The following ZDHHC14 variants were observed in gnomAD, a reference collection of about 807,000 sequenced individuals.
The protein encoded by ZDHHC14 is zDHHC palmitoyltransferase 14.
ZDHHC14 carries 16 observed loss-of-function variants against 47.7 expected under a neutral mutation model. That is an observed-to-expected ratio of 0.34 (90% CI 0.23 to 0.51). The LOEUF is 0.51. Among genes scored for constraint, ZDHHC14 ranks in the 20% least tolerant of loss-of-function variants. The pLI, the probability that ZDHHC14 is intolerant of heterozygous loss-of-function variation, is 0.97. For missense variants in ZDHHC14, 515 were observed against 662.5 expected, an observed-to-expected ratio of 0.78 and a Z score of 2.44; for synonymous variants, 293 against 278.9, an observed-to-expected ratio of 1.05 and a Z score of -0.50.
chr6:157,573,268 A>G (rs947146586), intron 2 of ZDHHC14, among the ~76,000 whole-genome samples: 2 of 151,862 alleles, frequency 1.3e-5, no homozygotes, highest in Non-Finnish European at 2.9e-5. Flanking sequence ...GGGCTCTCCA[A>G]CCCTTGCACC....
In ZDHHC14 at chr6:157,411,099, A is replaced by G. The variant is rs569149997; in HGVS notation, c.245+28833A>G. Among the ~76,000 whole-genome samples, 5 of 152,318 alleles carry G rather than the reference A, an allele frequency of 3.3e-5. No homozygotes were observed. The East Asian group carries it at 9.6e-4, about 29-fold the overall frequency. The stretch of plus-strand genomic sequence containing the variant: ...TAAGGATTCCTTGGGCAGCTTTTGA[A>G]TATGCCATTTTCTGGATCCCACCTT... On this transcript the variant is annotated intron_variant, in intron 1 of 8. Coordinates refer to ENST00000359775, the MANE Select transcript of ZDHHC14 (RefSeq NM_024630.3).
At chr6:157,411,522 A>G (rs575552001) in intron 1 of ZDHHC14, among the ~76,000 whole-genome samples, 1 of 152,160 alleles carries the variant, frequency 6.6e-6, no homozygotes, top group Non-Finnish European at 1.5e-5. Flanking sequence ...TATGCAGCCA[A>G]CCTCCTTTGG....
chr6:157,599,824 G>A (rs1337209376), intron 3 of ZDHHC14, among the ~76,000 whole-genome samples: 2 of 152,182 alleles, frequency 1.3e-5, no homozygotes, highest in African/African-American at 4.8e-5. Context: ...GTAAGACAAA[G>A]AAATTAACAA....
chr6:157,648,410 A>G (rs1326636944), intron 7 of ZDHHC14, among the ~76,000 whole-genome samples: 2 of 152,192 alleles, frequency 1.3e-5, no homozygotes, highest in Non-Finnish European at 2.9e-5. Context: ...GCCTCAGTGA[A>G]TCCTCATTAG....
At chr6:157,484,537 T>G (rs1384359819) in intron 1 of ZDHHC14, among the ~76,000 whole-genome samples, 1 of 149,202 alleles carries the variant, frequency 6.7e-6, no homozygotes, top group Non-Finnish European at 1.5e-5. Flanking sequence ...GAACCTTAAA[T>G]AAAAGTTAAA....
intron 3 of ZDHHC14, among the ~76,000 whole-genome samples, chr6:157,595,790 TATA>T (rs1172228014): frequency 6.6e-6 from 1 of 152,132 alleles, no homozygotes; most frequent in Non-Finnish European, 1.5e-5. Context: ...GCCACCAGGC[TATA>T]ATAGGCCAGG....
chr6:157,439,861 GC>G (rs987163190), intron 1 of ZDHHC14, among the ~76,000 whole-genome samples: 5 of 152,138 alleles, frequency 3.3e-5, no homozygotes, highest in African/African-American at 9.7e-5. Context: ...CCTTTGCAGG[GC>G]CATGGATGAA....
intron 3 of ZDHHC14, among the ~76,000 whole-genome samples, chr6:157,604,213 G>A (rs182362884): frequency 6.6e-6 from 1 of 151,884 alleles, no homozygotes; most frequent in Non-Finnish European, 1.5e-5. Context: ...CCTGAACCAG[G>A]GAGATTGAGG....
At chr6:157,622,182 C>A (rs1785217373) in intron 3 of ZDHHC14, among the ~76,000 whole-genome samples, 1 of 145,874 alleles carries the variant, frequency 6.9e-6, no homozygotes, top group Non-Finnish European at 1.5e-5. Context: ...ACCAGCCTGA[C>A]CAACATGGCA....
chr6:157,593,475 C>T (rs1033896643), intron 3 of ZDHHC14, among the ~76,000 whole-genome samples: 4 of 152,160 alleles, frequency 2.6e-5, no homozygotes, highest in African/African-American at 9.7e-5. Context: ...GGCCACACAC[C>T]TACGGGAGGC....
intron 6 of ZDHHC14, among the ~76,000 whole-genome samples, chr6:157,646,575 T>C (rs1215792754): frequency 1.4e-5 from 2 of 143,256 alleles, no homozygotes; most frequent in Non-Finnish European, 3.0e-5. Flanking sequence ...ATAGCGCCAC[T>C]GCACTCCAGC....
intron 2 of ZDHHC14, among the ~76,000 whole-genome samples, chr6:157,579,398 C>T (rs1229580544): frequency 8.6e-5 from 13 of 151,880 alleles, no homozygotes; most frequent in Admixed American, 7.9e-4. Flanking sequence ...GGGGTTTCAC[C>T]ATGTTAGCCA....
At chr6:157,525,783 G>A (rs140593507) in intron 1 of ZDHHC14, among the ~76,000 whole-genome samples, 83 of 152,242 alleles carry the variant, frequency 5.5e-4, no homozygotes, top group African/African-American at 1.8e-3. Flanking sequence ...GCTCCCTCCC[G>A]TCCCACTGCT....
At chr6:157,589,127 G>C (rs1004062545) in intron 2 of ZDHHC14, among the ~76,000 whole-genome samples, 1 of 152,060 alleles carries the variant, frequency 6.6e-6, no homozygotes, top group African/African-American at 2.4e-5. Flanking sequence ...CATGGAGGAA[G>C]GAAAAGAGAA....
rs1030180199 is a variant in ZDHHC14 at position 157,586,102 on chromosome 6, A to G, written c.407-6886A>G. On this transcript the variant is annotated intron_variant, in intron 2 of 8. Coordinates refer to ENST00000359775, the MANE Select transcript of ZDHHC14 (RefSeq NM_024630.3). The surrounding 1 kb of genome is among the most constrained non-coding windows in gnomAD (Gnocchi z 4.6). ...AGATCTGGAAACAAATCCTCCTGACATCATCGGTACTGGGTCTTCCCTCTG... is the reference window on the plus strand; with the variant it reads ...AGATCTGGAAACAAATCCTCCTGACGTCATCGGTACTGGGTCTTCCCTCTG... 6.6e-6 allele frequency among the ~76,000 whole-genome samples: 1 copy of G among 152,196 alleles called. No individual in the cohort carries two copies. The highest frequency in any genetic ancestry group is 2.4e-5 in the African/African-American group (1 of 41,448).
chr6:157,409,210 A>T (rs529614613), intron 1 of ZDHHC14, among the ~76,000 whole-genome samples: 16 of 152,348 alleles, frequency 1.1e-4, no homozygotes, highest in South Asian at 2.1e-4. Flanking sequence ...ATTGAGGAAC[A>T]ACTAGCACTT....
chr6:157,611,125 G>A (rs924914296), intron 3 of ZDHHC14, among the ~76,000 whole-genome samples: 5 of 152,054 alleles, frequency 3.3e-5, no homozygotes, highest in Admixed American at 6.6e-5. Context: ...CAGCCTCCCC[G>A]AGTAGCTGGG....
intron 1 of ZDHHC14, among the ~76,000 whole-genome samples, chr6:157,417,168 T>A: frequency 6.6e-6 from 1 of 151,810 alleles, no homozygotes; most frequent in African/African-American, 2.4e-5. Context: ...GAATTGTATC[T>A]ATGTGGGTGT....
At chr6:157,645,972 C>T (rs1777533941) in intron 6 of ZDHHC14, 133 bp downstream of exon 6, 4 of 705,900 alleles carry the variant, frequency 5.7e-6, no homozygotes, top group Non-Finnish European at 9.2e-6. Flanking sequence ...GGAACAGAGA[C>T]GGTGCCGTGG....
Sources: gnomAD v4.1 joint callset for allele counts (sites outside exome capture counted in the v4.1 genomes callset) on GRCh38, gnomAD v4.1.1 for gene constraint, Gnocchi (gnomAD v3.1) non-coding constraint, MANE v1.5 for transcripts, NCBI Gene and HGNC (gene_info 2026-07-23, HGNC 2026-07-21) for gene names.